The following COL6A2 variants were observed in gnomAD, a reference collection of about 807,000 sequenced individuals.
COL6A2 encodes collagen type VI alpha 2 chain, also known as collagen alpha-2(VI) chain.
In COL6A2, 90 loss-of-function variants were observed where a neutral mutation model predicts 124.9. That is an observed-to-expected ratio of 0.72 (90% confidence interval 0.61 to 0.86). COL6A2 has a LOEUF of 0.86. COL6A2 is among the 40% of genes least tolerant of loss of function. The pLI, the probability that COL6A2 is intolerant of heterozygous loss-of-function variation, is 0.00. For missense variants in COL6A2, 1,607 were observed against 1,502.5 expected, an observed-to-expected ratio of 1.07 and a Z score of -1.15; for synonymous variants, 793 against 618.2, an observed-to-expected ratio of 1.28 and a Z score of -4.19.
At chr21:46,123,833 T>C (rs1168327616) in intron 21 of COL6A2, among the ~76,000 whole-genome samples, 1 of 142,096 alleles carries the variant, frequency 7.0e-6, no homozygotes, top group African/African-American at 2.7e-5. Context: ...GATGGGTGCA[T>C]AAAGGATGGA....
chr21:46,121,442 A>C, intron 17 of COL6A2, 114 bp from the exon 18 acceptor site: 14 of 988,504 alleles, frequency 1.4e-5, no homozygotes, highest in Non-Finnish European at 2.2e-5. Context: ...AGGCAGCAGG[A>C]GGAGCTGCGG....
At position 46,126,486 on chromosome 21, in the gene COL6A2, T is replaced by C. The variant is rs758094012; in HGVS notation, c.2423-17T>C. On this transcript the variant is annotated splice_polypyrimidine_tract_variant and intron_variant, in intron 26 of 27. Transcript: ENST00000300527. The stretch of plus-strand genomic sequence containing the variant: ...GGACTGACCCTGGCCTGGCCCGGCC[T>C]CTCTCCTCTCTTCCAGACCCTCAGA... The C allele has an allele frequency of 1.5e-5, 23 of 1,507,286 alleles. No homozygotes were observed. In the East Asian group the frequency reaches 4.5e-4, roughly 30 times the overall value. 93.4% of individuals were successfully genotyped at this position (1,507,286 alleles called of 1,614,324 possible).
Position 46,132,217 on chromosome 21 carries a change from C to A in COL6A2, c.2725C>A (p.Gln909Lys). 6.3e-7 allele frequency: 1 copy of A among 1,593,914 alleles called. No individual in the cohort carries two copies. Among genetic ancestry groups the A allele is most frequent in the Non-Finnish European group, 8.5e-7 (1 of 1,171,508 alleles). Residue 909 changes from glutamine (Q) to lysine (K), a missense_variant, in exon 28 of 28, where the codon CAA becomes AAA. Gln to Lys is a moderately conservative substitution (Grantham distance 53, BLOSUM62 1). Coordinates refer to ENST00000300527, the MANE Select transcript of COL6A2 (RefSeq NM_001849.4). Reference sequence around the variant, plus strand: ...CATCCACGAGGCGCTGGAGACCACACAATACCTGAACTCCTTCTCGCACGT... The same window carrying A: ...CATCCACGAGGCGCTGGAGACCACAAAATACCTGAACTCCTTCTCGCACGT... ...TAIHEALETT[Q>K]YLNSFSHVGA...
intron 1 of COL6A2, among the ~76,000 whole-genome samples, chr21:46,111,057 C>T (rs1310871740): frequency 3.3e-5 from 5 of 152,284 alleles, no homozygotes; most frequent in East Asian, 1.9e-4. Flanking sequence ...ATCTCTCTCC[C>T]GCCCTCCCCT....
chr21:46,126,607 G>A lies in COL6A2; in HGVS notation c.2461+66G>A, dbSNP rs1282177964. 363 of 1,597,016 alleles carry A rather than the reference G, an allele frequency of 2.3e-4. 2 individuals carry two copies. Among genetic ancestry groups the A allele is most frequent in the Non-Finnish European group, 6.6e-5 (77 of 1,167,188 alleles). On this transcript the variant is annotated intron_variant, in intron 27 of 27. Coordinates refer to ENST00000300527, the MANE Select transcript of COL6A2 (RefSeq NM_001849.4). ...AGCAGCCCTGGTGTCCTTCCTCCTC[G>A]AGGGCCGGGCTGGGGGAGGGGCCGT...
intron 22 of COL6A2, 69 bp from the exon 23 acceptor site, chr21:46,124,815 CA>C: frequency 1.9e-6 from 3 of 1,599,930 alleles, no homozygotes; most frequent in Non-Finnish European, 1.7e-6. Context: ...TATCAGTGGG[CA>C]GTGGCCTGGG....
chr21:46,128,654 G>A (rs1448855423), intron 27 of COL6A2, among the ~76,000 whole-genome samples: 1 of 152,262 alleles, frequency 6.6e-6, no homozygotes, highest in Non-Finnish European at 1.5e-5. Flanking sequence ...AGCGATAAGA[G>A]CTGCATAGGG....
chr21:46,099,971 T>G (rs1232592379), intron 1 of COL6A2, among the ~76,000 whole-genome samples: 1 of 150,002 alleles, frequency 6.7e-6, no homozygotes, highest in Non-Finnish European at 1.5e-5. Flanking sequence ...ATGTCTTTGG[T>G]TTTTGTGCAG....
At position 46,112,022 on chromosome 21, in the gene COL6A2, C is replaced by G. The variant is rs2123614218; in HGVS notation, c.159C>G (p.Thr53=). 1.9e-6 allele frequency: 3 copies of G among 1,612,890 alleles called. No homozygotes were observed. The highest frequency in any genetic ancestry group is 3.3e-4 in the Middle Eastern group (2 of 6,062). ...TCCACGTGTACTTCGTGCTGGACAC[C>G]TCGGAGAGCGTCACCATGCAGTCCC... ...CPIHVYFVLD[T]SESVTMQSPT... Residue 53 remains threonine, a synonymous_variant, in exon 3 of 28, where the codon ACC becomes ACG. Coordinates refer to ENST00000300527, the MANE Select transcript of COL6A2 (RefSeq NM_001849.4).
At chr21:46,127,287 T>C (rs1310663250) in intron 27 of COL6A2, among the ~76,000 whole-genome samples, 1 of 152,076 alleles carries the variant, frequency 6.6e-6, no homozygotes, top group African/African-American at 2.4e-5. Flanking sequence ...CCTCAGGGTC[T>C]GCGGTACGAA....
At position 46,109,011 on chromosome 21, in the gene COL6A2, C is replaced by T. The variant is rs1268306090; in HGVS notation, c.-27-2439C>T. 7.9e-5 allele frequency among the ~76,000 whole-genome samples: 12 copies of T among 152,184 alleles called. No homozygotes were observed. In the South Asian group the frequency reaches 1.9e-3, roughly 24 times the overall value. On this transcript the variant is annotated intron_variant, in intron 1 of 27. Coordinates refer to ENST00000300527, the MANE Select transcript of COL6A2 (RefSeq NM_001849.4). ...CTCTGTAGGCGGGTTGTCTTGTCGG[C>T]GGGTTGTCTTGTCAAATGTTCAGCT...
At chr21:46,114,910 A>C (rs577339629) in intron 5 of COL6A2, among the ~76,000 whole-genome samples, 4 of 152,384 alleles carry the variant, frequency 2.6e-5, no homozygotes, top group African/African-American at 7.2e-5. Context: ...GGAATTGACC[A>C]TCATAGAGGA....
intron 12 of COL6A2, 77 bp from the exon 13 acceptor site, chr21:46,118,537 C>G: frequency 7.2e-7 from 1 of 1,390,094 alleles, no homozygotes; most frequent in Non-Finnish European, 1.0e-6. Flanking sequence ...GACCGTGGGT[C>G]CTGCCCCCGC....
rs1001763617 is a variant in COL6A2, at chr21:46,120,436, G to A, written c.1333-79G>A. 8.7e-5 allele frequency: 105 copies of A among 1,201,104 alleles called. 1 individual carries two copies. The Middle Eastern group carries it at 1.4e-3, about 16-fold the overall frequency. 74.4% of individuals were successfully genotyped at this position (1,201,104 alleles called of 1,614,324 possible). A position where few individuals can be genotyped will look rare whatever the true frequency, so the allele number is the denominator to read the frequency against. ...TCCCAGGCCCCCTTCCCCAACCCCC[G>A]GCCACACCCGCCTCTCACATGGGAC... is the stretch of plus-strand genomic sequence containing the variant. On this transcript the variant is annotated intron_variant, in intron 15 of 27. Coordinates refer to ENST00000300527, the MANE Select transcript of COL6A2 (RefSeq NM_001849.4).
rs1322159209 is a variant in COL6A2 at position 46,126,083 on chromosome 21, C to T, written c.2268C>T (p.Ala756=). ...GCGACCGCGACGTCACAGTGACGGC[C>T]ATCGGCATCGGGGACATGTTCCACG... ...ALCDRDVTVT[A]IGIGDMFHEK... is the part of the protein sequence containing the mutation. The change falls in exon 26 of 28, where the codon GCC becomes GCT. Residue 756 remains alanine (A), a synonymous_variant. Coordinates refer to ENST00000300527, the MANE Select transcript of COL6A2 (RefSeq NM_001849.4). The T allele has an allele frequency of 1.1e-5, 17 of 1,612,720 alleles. No individual in the cohort carries two copies. The highest frequency in any genetic ancestry group is 1.4e-5 in the Non-Finnish European group (17 of 1,180,012).
intron 1 of COL6A2, 154 bp from the exon 2 acceptor site, chr21:46,111,296 G>C (rs2078394828): frequency 1.7e-6 from 1 of 590,008 alleles, no homozygotes; most frequent in South Asian, 2.0e-5. Flanking sequence ...TCCAGATGCT[G>C]GTGACGGTGT....
At chr21:46,131,720 T>C (rs903615813) in intron 27 of COL6A2, among the ~76,000 whole-genome samples, 3 of 152,022 alleles carry the variant, frequency 2.0e-5, no homozygotes, top group Non-Finnish European at 4.4e-5. Context: ...TGTGTCAGGG[T>C]CTCAGGCCTG....
rs1002021307 is a variant in COL6A2, at chr21:46,126,992, C to T, written c.2461+451C>T. ...GTCTTGCTCCAACCCTGGCCTGCCT[C>T]GGAGCTGCAGCTGCGGCTCTCACAT... On this transcript the variant is annotated intron_variant, in intron 27 of 27. Coordinates refer to ENST00000300527, the MANE Select transcript of COL6A2 (RefSeq NM_001849.4). Among the ~76,000 whole-genome samples, 5 of 130,412 alleles carry T rather than the reference C, an allele frequency of 3.8e-5. No individual in the cohort carries two copies. The East Asian group carries it at 7.0e-4, about 18-fold the overall frequency. 85.6% of individuals were successfully genotyped at this position (130,412 alleles called of 152,430 possible).
At chr21:46,106,852 GCTCAA>G (rs1419906494) in intron 1 of COL6A2, among the ~76,000 whole-genome samples, 1 of 151,976 alleles carries the variant, frequency 6.6e-6, no homozygotes, top group Non-Finnish European at 1.5e-5. Flanking sequence ...TTTTTATTTT[GCTCAA>G]CTCTTCTTGC....
Sources: allele counts gnomAD v4.1 joint callset (sites outside exome capture counted in the v4.1 genomes callset), GRCh38; gene constraint gnomAD v4.1.1; transcripts MANE v1.5; gene names NCBI Gene and HGNC (gene_info 2026-07-23, HGNC 2026-07-21).